FOXP2: variants seen among roughly 807,000 people sequenced by gnomAD.
The protein encoded by FOXP2 is forkhead box P2, also known as forkhead box protein P2.
FOXP2 carries 12 observed loss-of-function variants against 115.8 expected under a neutral mutation model. The observed-to-expected ratio is 0.10, with a 90% CI of 0.07 to 0.17. FOXP2 has a LOEUF of 0.17. FOXP2 is among the 10% of genes least tolerant of loss of function. The pLI, the probability that FOXP2 is intolerant of heterozygous loss-of-function variation, is 1.00. For missense variants in FOXP2, 629 were observed against 843.5 expected, an observed-to-expected ratio of 0.75 and a Z score of 3.15; for synonymous variants, 328 against 297.7, an observed-to-expected ratio of 1.10 and a Z score of -1.05.
At chr7:114,176,263 C>CCTTT (rs377227249) in intron 1 of FOXP2, among the ~76,000 whole-genome samples, 5,544 of 123,356 alleles carry the variant, frequency 0.045, 352 homozygotes, top group African/African-American at 0.12. Flanking sequence ...TCTCTCTTTC[C>CCTTT]CTTTCTTTCT....
chr7:114,371,128 C>G (rs1791994760), intron 2 of FOXP2, among the ~76,000 whole-genome samples: 3 of 152,046 alleles, frequency 2.0e-5, no homozygotes, highest in Admixed American at 2.0e-4. Context: ...GATAAGGCCT[C>G]TTTTGGCAGT....
chr7:114,135,692 A>G (rs1213644435), intron 1 of FOXP2, among the ~76,000 whole-genome samples: 2 of 152,164 alleles, frequency 1.3e-5, no homozygotes, highest in Non-Finnish European at 2.9e-5. Flanking sequence ...AGTGTTATGC[A>G]TTAGCTCAAA....
chr7:114,271,010 A>G (rs1056143241), intron 1 of FOXP2, among the ~76,000 whole-genome samples: 7 of 151,920 alleles, frequency 4.6e-5, no homozygotes, highest in African/African-American at 1.7e-4. Flanking sequence ...CTAGCACCAC[A>G]TGTTGAAAAG....
At chr7:114,480,837 A>T (rs1183708965) in intron 2 of FOXP2, among the ~76,000 whole-genome samples, 2 of 150,898 alleles carry the variant, frequency 1.3e-5, no homozygotes, top group Admixed American at 6.6e-5. Flanking sequence ...CAACAGTGGG[A>T]AATTGCTCTA....
intron 2 of FOXP2, among the ~76,000 whole-genome samples, chr7:114,328,084 C>A (rs1487876519): frequency 6.6e-6 from 1 of 151,402 alleles, no homozygotes; most frequent in East Asian, 2.0e-4. Context: ...CCATATTTGG[C>A]TAATTTTTTT....
chr7:114,690,258 A>C lies in FOXP2; in HGVS notation c.*332A>C, dbSNP rs1356306776. The C allele has an allele frequency of 4.3e-6, 2 of 466,666 alleles. No homozygotes were observed. The highest frequency in any genetic ancestry group is 4.0e-5 in the African/African-American group (2 of 50,550). The allele number at this position is 466,666 out of a possible 1,614,324, so 28.9% of individuals were successfully genotyped here. A position where few individuals can be genotyped will look rare whatever the true frequency, so the allele number is the denominator to read the frequency against. On this transcript the variant is annotated 3_prime_UTR_variant, in exon 17 of 17. Transcript: ENST00000350908. ...TCTTAAGGGTTCATGAAATGACTGA[A>C]TATGAGGATACATGTCCTGTAGAAA...
intron 2 of FOXP2, among the ~76,000 whole-genome samples, chr7:114,323,218 T>A (rs1169199749): frequency 1.3e-5 from 2 of 152,126 alleles, no homozygotes; most frequent in Non-Finnish European, 2.9e-5. Flanking sequence ...TATTTTAATT[T>A]TACAACAAAT....
chr7:114,538,207 C>A lies in FOXP2; in HGVS notation c.258+3501C>A, dbSNP rs986777288. The stretch of plus-strand genomic sequence containing the variant: ...ATACACACATGCACACTTCCATAAT[C>A]TGTAAATTTAAAAAAATTTTTGTAA... On this transcript the variant is annotated intron_variant, in intron 3 of 16. Transcript: ENST00000350908. 5 of 590,678 alleles carry A rather than the reference C, an allele frequency of 8.5e-6. No homozygotes were observed. In the African/African-American group the frequency reaches 9.6e-5, roughly 11 times the overall value. 36.6% of individuals were successfully genotyped at this position (590,678 alleles called of 1,614,324 possible).
chr7:114,461,129 G>T (rs796345394), intron 2 of FOXP2, among the ~76,000 whole-genome samples: 3 of 152,272 alleles, frequency 2.0e-5, no homozygotes, highest in African/African-American at 7.2e-5. Flanking sequence ...TGCAAATGCT[G>T]AAGTATAATC....
At chr7:114,289,893 T>C (rs1258783430) in intron 2 of FOXP2, among the ~76,000 whole-genome samples, 1 of 151,918 alleles carries the variant, frequency 6.6e-6, no homozygotes, top group Non-Finnish European at 1.5e-5. Context: ...TGTATAGAAT[T>C]TTGAACCCTT....
intron 8 of FOXP2, among the ~76,000 whole-genome samples, chr7:114,647,522 A>G (rs1383316949): frequency 6.6e-6 from 1 of 151,964 alleles, no homozygotes; most frequent in Non-Finnish European, 1.5e-5. Context: ...TAACAGCAAG[A>G]TGAAAGCAGA....
chr7:114,263,201 CTTTA>C (rs770842616), intron 1 of FOXP2, among the ~76,000 whole-genome samples: 17 of 152,214 alleles, frequency 1.1e-4, no homozygotes, highest in Admixed American at 4.6e-4. Flanking sequence ...GCTCACTATC[CTTTA>C]TTTTATTATC....
intron 3 of FOXP2, among the ~76,000 whole-genome samples, chr7:114,549,541 C>G (rs1182422279): frequency 6.6e-6 from 1 of 152,104 alleles, no homozygotes; most frequent in Admixed American, 6.5e-5. Context: ...CTCTGCCCAG[C>G]CAAACCAGGA....
intron 1 of FOXP2, among the ~76,000 whole-genome samples, chr7:114,097,116 C>T (rs1321880736): frequency 6.6e-6 from 1 of 152,058 alleles, no homozygotes; most frequent in African/African-American, 2.4e-5. Context: ...TTGTTTTAAG[C>T]ACTTTCATCA....
At position 114,691,672 on chromosome 7, in the gene FOXP2, G is replaced by A. The variant is rs377209232; in HGVS notation, c.*1746G>A. On this transcript the variant is annotated 3_prime_UTR_variant, in exon 17 of 17. Transcript: ENST00000350908. Reference sequence around the variant, plus strand: ...ATAATACTTTTTCCCCCAACCAAGGGACCTCATAACCTGATTATGGTTATT... The same window carrying A: ...ATAATACTTTTTCCCCCAACCAAGGAACCTCATAACCTGATTATGGTTATT... 7.3e-5 allele frequency: 33 copies of A among 453,936 alleles called. No individual in the cohort carries two copies. The East Asian group carries it at 2.2e-3, about 30-fold the overall frequency. 28.1% of individuals were successfully genotyped at this position (453,936 alleles called of 1,614,324 possible).
chr7:114,509,711 A>G (rs957236169), intron 2 of FOXP2, among the ~76,000 whole-genome samples: 2 of 151,364 alleles, frequency 1.3e-5, no homozygotes, highest in Admixed American at 1.3e-4. Flanking sequence ...TTGATAAATT[A>G]TTAAATTTCA....
intron 13 of FOXP2, among the ~76,000 whole-genome samples, chr7:114,660,042 G>T (rs1334473322): frequency 2.0e-5 from 3 of 152,170 alleles, no homozygotes; most frequent in African/African-American, 7.2e-5. Context: ...ACAAATGGAG[G>T]CTGTAGGTTT....
intron 3 of FOXP2, among the ~76,000 whole-genome samples, chr7:114,593,274 T>TTCC (rs1221661768): frequency 2.0e-5 from 3 of 151,984 alleles, no homozygotes; most frequent in Non-Finnish European, 4.4e-5. Flanking sequence ...CCACATAGTT[T>TTCC]TAATATAGCC....
intron 2 of FOXP2, among the ~76,000 whole-genome samples, chr7:114,431,977 G>A: frequency 6.6e-6 from 1 of 151,810 alleles, no homozygotes; most frequent in East Asian, 1.9e-4. Context: ...TGCATTAACT[G>A]GCTAGCTATG....
Sources: gnomAD v4.1 joint callset for allele counts (sites outside exome capture counted in the v4.1 genomes callset) on GRCh38, gnomAD v4.1.1 for gene constraint, MANE v1.5 for transcripts, NCBI Gene and HGNC (gene_info 2026-07-23, HGNC 2026-07-21) for gene names.